Variants in KIF18A observed in about 807,000 individuals in gnomAD.
KIF18A encodes kinesin family member 18A.
KIF18A carries 67 observed loss-of-function variants against 103.3 expected under a neutral mutation model. The ratio of observed to expected loss-of-function variants is 0.65; its 90% confidence interval spans 0.53 to 0.79. KIF18A has a LOEUF of 0.79. Ranked by LOEUF, KIF18A falls within the 30% of genes least tolerant of loss-of-function variation. KIF18A has a pLI of 0.00. For missense variants in KIF18A, 1,032 were observed against 1,062.5 expected (o/e 0.97, Z 0.40); for synonymous variants, 367 against 355.5 (o/e 1.03, Z -0.36).
At chr11:28,072,892 AT>A (rs1851039412) in intron 10 of KIF18A, among the ~76,000 whole-genome samples, 1 of 152,116 alleles carries the variant, frequency 6.6e-6, no homozygotes, top group Admixed American at 6.6e-5. Flanking sequence ...AATTATCTAA[AT>A]TACTTTGGGA....
chr11:28,099,636 A>C (rs1851420902), intron 1 of KIF18A, among the ~76,000 whole-genome samples: 1 of 152,188 alleles, frequency 6.6e-6, no homozygotes, highest in African/African-American at 2.4e-5. Context: ...AAATTCACCC[A>C]AAACAACATT....
chr11:28,053,484 C>CT (rs1288763175), intron 13 of KIF18A, among the ~76,000 whole-genome samples: 4 of 151,722 alleles, frequency 2.6e-5, no homozygotes, highest in South Asian at 4.2e-4. Flanking sequence ...GAATCCTAAT[C>CT]TTTTTTTAAT....
At chr11:28,062,360 T>C (rs941549564) in intron 12 of KIF18A, 35 bp downstream of exon 12, 4 of 1,555,136 alleles carry the variant, frequency 2.6e-6, no homozygotes, top group Non-Finnish European at 3.5e-6. Flanking sequence ...AGATATAGTG[T>C]TAAAATTGGA....
At chr11:28,064,309 A>G (rs1178051121) in intron 11 of KIF18A, among the ~76,000 whole-genome samples, 1 of 152,002 alleles carries the variant, frequency 6.6e-6, no homozygotes, top group South Asian at 2.1e-4. Context: ...CCTTAAGCCA[A>G]ATATATGCCC....
chr11:28,071,628 C>A lies in KIF18A; in HGVS notation c.1426-2205G>T, dbSNP rs868635193. On this transcript the variant is annotated intron_variant, in intron 10 of 16. Coordinates refer to ENST00000263181, the MANE Select transcript of KIF18A (RefSeq NM_031217.4). Reference sequence around the variant, plus strand: ...TATAGAAATATTGGTAGAGGGAATACATATAAACAAAAGCTCTTTGAAGTC... The same window carrying A: ...TATAGAAATATTGGTAGAGGGAATAAATATAAACAAAAGCTCTTTGAAGTC... Among the ~76,000 whole-genome samples, 42 of 151,592 alleles carry A rather than the reference C, an allele frequency of 2.8e-4. No homozygotes were observed. In the South Asian group the frequency reaches 8.5e-3, roughly 31 times the overall value.
At chr11:28,024,728 G>A (rs1464029351) in intron 15 of KIF18A, among the ~76,000 whole-genome samples, 1 of 151,954 alleles carries the variant, frequency 6.6e-6, no homozygotes, top group Non-Finnish European at 1.5e-5. Flanking sequence ...ATCCTTCCTA[G>A]TCCTAAAGAG....
intron 12 of KIF18A, among the ~76,000 whole-genome samples, chr11:28,061,617 T>C (rs1306941251): frequency 1.3e-5 from 2 of 152,104 alleles, no homozygotes; most frequent in Non-Finnish European, 2.9e-5. Flanking sequence ...TGAACTTCCA[T>C]CCACATAAGA....
In KIF18A at chr11:28,069,406, A is replaced by C. The variant is rs371289766; in HGVS notation, c.1443T>G (p.Asp481Glu). ...DKVEKATGKR[D>E]HRLAMLKTRR... ...GAGTTTTCAACATTGCAAGTCTATG[A>C]TCTCGTTTTCCAGTGGCCTGAAACA... is the stretch of plus-strand genomic sequence containing the variant. The change falls in exon 11 of 17, where the codon GAT becomes GAG. Residue 481 changes from aspartate (D) to glutamate (E), a missense_variant. Transcript: ENST00000263181. The C allele has an allele frequency of 1.4e-5, 22 of 1,613,050 alleles. 1 individual carries two copies. In the Middle Eastern group the frequency reaches 1.5e-3, roughly 109 times the overall value.
At chr11:28,041,149 G>GT (rs1311859175) in intron 13 of KIF18A, among the ~76,000 whole-genome samples, 2 of 151,756 alleles carry the variant, frequency 1.3e-5, no homozygotes, top group Non-Finnish European at 2.9e-5. Flanking sequence ...AGGTACAGTG[G>GT]TAAACAAGAC....
chr11:28,064,317 C>G (rs552894557), intron 11 of KIF18A, among the ~76,000 whole-genome samples: 3 of 151,838 alleles, frequency 2.0e-5, no homozygotes, highest in Non-Finnish European at 4.4e-5. Flanking sequence ...CAAATATATG[C>G]CCTTTATGGA....
intron 13 of KIF18A, among the ~76,000 whole-genome samples, chr11:28,054,588 C>A (rs1176039715): frequency 6.6e-6 from 1 of 152,016 alleles, no homozygotes; most frequent in Non-Finnish European, 1.5e-5. Flanking sequence ...TTTAAAGGTC[C>A]CTAAGGCACT....
intron 13 of KIF18A, among the ~76,000 whole-genome samples, chr11:28,046,163 G>A (rs1368001644): frequency 1.3e-5 from 2 of 151,856 alleles, no homozygotes; most frequent in South Asian, 2.1e-4. Context: ...AGAACTAGAA[G>A]TACCATTTGA....
intron 2 of KIF18A, among the ~76,000 whole-genome samples, chr11:28,096,954 T>C (rs1851383964): frequency 6.6e-6 from 1 of 152,002 alleles, no homozygotes. Context: ...AGATGCTTCT[T>C]GGGCTAACAA....
chr11:28,022,546 C>T (rs898244726), intron 16 of KIF18A, among the ~76,000 whole-genome samples: 3 of 152,144 alleles, frequency 2.0e-5, no homozygotes, highest in Non-Finnish European at 2.9e-5. Flanking sequence ...GGATTACAGG[C>T]GTGAGCCACG....
chr11:28,031,646 G>T (rs888099575), intron 15 of KIF18A, among the ~76,000 whole-genome samples: 7 of 148,352 alleles, frequency 4.7e-5, no homozygotes, highest in African/African-American at 9.9e-5. Context: ...AAACCTGCAC[G>T]TTATGCACAT....
intron 9 of KIF18A, among the ~76,000 whole-genome samples, chr11:28,082,109 T>C (rs1275399478): frequency 2.0e-5 from 3 of 152,020 alleles, no homozygotes; most frequent in Admixed American, 6.6e-5. Context: ...CCAAAGAAAA[T>C]GGTTTCTTGA....
chr11:28,104,978 T>G (rs867927083), intron 1 of KIF18A, among the ~76,000 whole-genome samples: 1 of 152,060 alleles, frequency 6.6e-6, no homozygotes, highest in Non-Finnish European at 1.5e-5. Flanking sequence ...TATTCTTTTG[T>G]AATATTTAAA....
rs1851345437 is a variant in KIF18A, at chr11:28,094,650, T to A, written c.476A>T (p.Tyr159Phe). The A allele has an allele frequency of 1.9e-6, 3 of 1,607,890 alleles. No homozygotes were observed. The highest frequency in any genetic ancestry group is 8.5e-7 in the Non-Finnish European group (1 of 1,175,088). The change falls in exon 3 of 17, where the codon TAT becomes TTT. Residue 159 changes from tyrosine (Y) to phenylalanine (F), a missense_variant. Tyr to Phe is a conservative substitution (Grantham distance 22). Transcript: ENST00000263181. ...TCTAAATTCCCAACTTACCTCCAGA[T>A]ATGAAACTGCAGTACTACATATTTT... The part of the protein sequence containing the change: ...EEKICSTAVS[Y>F]LEVYNEQIRD...
intron 1 of KIF18A, among the ~76,000 whole-genome samples, chr11:28,099,996 T>C (rs1590714334): frequency 6.6e-6 from 1 of 152,070 alleles, no homozygotes; most frequent in African/African-American, 2.4e-5. Flanking sequence ...TGGTAAGTGG[T>C]CAGATTATGG....
Sources: allele counts gnomAD v4.1 joint callset (sites outside exome capture counted in the v4.1 genomes callset), GRCh38; gene constraint gnomAD v4.1.1; transcripts MANE v1.5; gene names NCBI Gene and HGNC (gene_info 2026-07-23, HGNC 2026-07-21).